Variants in PDSS2 observed in about 807,000 individuals in gnomAD.
The protein encoded by PDSS2 is decaprenyl diphosphate synthase subunit 2.
Under a neutral mutation model 44.5 loss-of-function variants are expected in PDSS2, and 31 were observed. The ratio of observed to expected loss-of-function variants is 0.70; its 90% CI spans 0.52 to 0.94. The LOEUF (loss-of-function observed/expected upper bound fraction) is 0.94, where lower values mean the gene tolerates loss of function less well. Ranked by LOEUF, PDSS2 falls within the 40% of genes least tolerant of loss-of-function variation. The pLI is 0.00. For missense variants in PDSS2, 452 were observed against 482.2 expected (o/e 0.94, Z 0.59); for synonymous variants, 157 against 180.3 (o/e 0.87, Z 1.03).
intron 1 of PDSS2, among the ~76,000 whole-genome samples, chr6:107,336,257 G>GAA (rs780156049): frequency 2.9e-5 from 2 of 69,040 alleles, no homozygotes; most frequent in Non-Finnish European, 6.2e-5. Flanking sequence ...TTCCGTCTCA[G>GAA]AAAAAAAAAA....
chr6:107,421,387 T>A (rs1780818529), intron 1 of PDSS2, among the ~76,000 whole-genome samples: 1 of 152,120 alleles, frequency 6.6e-6, no homozygotes, highest in African/African-American at 2.4e-5. Context: ...CACCTATACA[T>A]GAATGTTCAG....
chr6:107,183,409 C>T (rs193036519), intron 7 of PDSS2, among the ~76,000 whole-genome samples: 49 of 152,218 alleles, frequency 3.2e-4, no homozygotes, highest in Non-Finnish European at 6.5e-4. Flanking sequence ...AATGCTAAGA[C>T]ATCTTTGGCC....
In PDSS2 at chr6:107,214,108, C is replaced by G. The variant is rs183622439; in HGVS notation, c.703-1826G>C. ...AAAATTATTAGTGAGCTATTTTACA[C>G]TTTTTTTTTTTTTGAGATGGAGTCT... is the stretch of plus-strand genomic sequence containing the variant. On this transcript the variant is annotated intron_variant, in intron 4 of 7. Coordinates refer to ENST00000369037, the MANE Select transcript of PDSS2 (RefSeq NM_020381.4). Among the ~76,000 whole-genome samples, 384 of 144,694 alleles carry G rather than the reference C, an allele frequency of 2.7e-3. 3 individuals are homozygous for G. The highest frequency in any genetic ancestry group is 8.8e-3 in the African/African-American group (346 of 39,532). The allele number at this position is 144,694 out of a possible 152,430, so 94.9% of individuals were successfully genotyped here. A position where few individuals can be genotyped will look rare whatever the true frequency, so the allele number is the denominator to read the frequency against.
rs543027869 is a variant in PDSS2, at chr6:107,329,802, G to A, written c.431+4396C>T. The stretch of plus-strand genomic sequence containing the variant: ...GCCTATTAATTACAATGTTGGTACT[G>A]TTCTGGGCCCTGCTAGGTACTTCTA... On this transcript the variant is annotated intron_variant, in intron 2 of 7. Transcript: ENST00000369037. Among the ~76,000 whole-genome samples, 66 of 152,182 alleles carry A rather than the reference G, an allele frequency of 4.3e-4. 1 individual carries two copies. Among genetic ancestry groups the A allele is most frequent in the African/African-American group, 1.5e-3 (63 of 41,536 alleles).
At chr6:107,286,984 G>A (rs1776176975) in intron 2 of PDSS2, among the ~76,000 whole-genome samples, 1 of 152,134 alleles carries the variant, frequency 6.6e-6, no homozygotes, top group African/African-American at 2.4e-5. Context: ...AGGTTGCAGT[G>A]AGCCGAGATT....
intron 2 of PDSS2, among the ~76,000 whole-genome samples, chr6:107,313,721 A>G (rs1777117237): frequency 6.6e-6 from 1 of 152,172 alleles, no homozygotes; most frequent in Non-Finnish European, 1.5e-5. Context: ...TCCAGCCTAA[A>G]TATTATGTAA....
intron 4 of PDSS2, among the ~76,000 whole-genome samples, chr6:107,225,156 TA>T (rs1294763505): frequency 1.3e-4 from 7 of 53,032 alleles, no homozygotes; most frequent in African/African-American, 8.3e-4. Flanking sequence ...TATATATATA[TA>T]TATATTTTTT....
intron 2 of PDSS2, among the ~76,000 whole-genome samples, chr6:107,282,630 C>A (rs976638591): frequency 4.6e-5 from 7 of 151,652 alleles, no homozygotes; most frequent in African/African-American, 1.7e-4. Flanking sequence ...CTTTGGGAGG[C>A]CGAGGCGGGT....
intron 1 of PDSS2, among the ~76,000 whole-genome samples, chr6:107,449,783 C>G (rs1707007882): frequency 6.6e-6 from 1 of 152,168 alleles, no homozygotes; most frequent in Admixed American, 6.5e-5. Context: ...GTTGCCCAAG[C>G]TGGTCTCAAA....
At chr6:107,442,262 C>A (rs1781531787) in intron 1 of PDSS2, among the ~76,000 whole-genome samples, 1 of 151,922 alleles carries the variant, frequency 6.6e-6, no homozygotes, top group Admixed American at 6.6e-5. Flanking sequence ...ACTAAAAATA[C>A]AAAAATTAGC....
chr6:107,223,239 T>TA (rs1228122878), intron 4 of PDSS2, among the ~76,000 whole-genome samples: 2 of 150,782 alleles, frequency 1.3e-5, no homozygotes, highest in Non-Finnish European at 2.9e-5. Context: ...AACATTTTTT[T>TA]AAAAAATTGG....
chr6:107,452,198 C>T (rs1781889423), intron 1 of PDSS2, among the ~76,000 whole-genome samples: 2 of 150,646 alleles, frequency 1.3e-5, no homozygotes, highest in Admixed American at 6.6e-5. Flanking sequence ...AAGCTTTTTC[C>T]CCTATTTTCT....
At chr6:107,419,706 C>T (rs1203187862) in intron 1 of PDSS2, among the ~76,000 whole-genome samples, 3 of 152,180 alleles carry the variant, frequency 2.0e-5, no homozygotes, top group African/African-American at 7.2e-5. Context: ...CACACACACA[C>T]ATACTTCAGT....
chr6:107,348,090 C>A (rs1177397910), intron 1 of PDSS2, among the ~76,000 whole-genome samples: 2 of 152,078 alleles, frequency 1.3e-5, no homozygotes, highest in African/African-American at 2.4e-5. Flanking sequence ...CCAAATAAGA[C>A]AATGGAATTT....
At chr6:107,305,236 T>A (rs1776819591) in intron 2 of PDSS2, among the ~76,000 whole-genome samples, 1 of 152,016 alleles carries the variant, frequency 6.6e-6, no homozygotes, top group Non-Finnish European at 1.5e-5. Context: ...TTTCAAGTAA[T>A]GTCAATGTTT....
chr6:107,242,421 G>A lies in PDSS2; in HGVS notation c.702+3127C>T, dbSNP rs9372157. On this transcript the variant is annotated intron_variant, in intron 4 of 7. Transcript: ENST00000369037. ...TGGGACCACAGGCGCCCGCCACTGT[G>A]CCCGCCTAATTTTTTTATATTTTTA... Among the ~76,000 whole-genome samples, 83 of 152,004 alleles carry A rather than the reference G, an allele frequency of 5.5e-4. 2 individuals carry two copies. Among genetic ancestry groups the A allele is most frequent in the East Asian group, 3.3e-3 (17 of 5,144 alleles).
intron 1 of PDSS2, among the ~76,000 whole-genome samples, chr6:107,334,972 T>G (rs1394973526): frequency 6.6e-6 from 1 of 151,736 alleles, no homozygotes; most frequent in African/African-American, 2.4e-5. Context: ...GACAAGATGG[T>G]GAAACCCCGT....
intron 1 of PDSS2, among the ~76,000 whole-genome samples, chr6:107,371,720 A>G (rs1178460290): frequency 6.6e-6 from 1 of 152,202 alleles, no homozygotes; most frequent in Non-Finnish European, 1.5e-5. Flanking sequence ...CTGGGTCTTA[A>G]AGCATTGTCG....
rs796792870 is a variant in PDSS2, at chr6:107,374,840, AG to A, written c.297-40509del. On this transcript the variant is annotated intron_variant, in intron 1 of 7. Transcript: ENST00000369037. ...CTTCCTGCTTATTTTTACTTATGGTAGGTAAGGTTCTCATATATTTATAATT... is the reference window on the plus strand; with the variant it reads ...CTTCCTGCTTATTTTTACTTATGGTAGTAAGGTTCTCATATATTTATAATT... 7.6e-4 allele frequency among the ~76,000 whole-genome samples: 115 copies of A among 152,200 alleles called. 1 individual carries two copies. The highest frequency in any genetic ancestry group is 2.7e-3 in the African/African-American group (112 of 41,526).
Sources: allele counts gnomAD v4.1 joint callset (sites outside exome capture counted in the v4.1 genomes callset), GRCh38; gene constraint gnomAD v4.1.1; transcripts MANE v1.5; gene names NCBI Gene and HGNC (gene_info 2026-07-23, HGNC 2026-07-21).